The following INCENP variants were observed in gnomAD, a reference collection of about 807,000 sequenced individuals.
INCENP encodes inner centromere protein.
In INCENP, 43 loss-of-function variants were observed where a neutral mutation model predicts 107.3. The observed-to-expected ratio is 0.40, with a 90% CI of 0.31 to 0.52. The LOEUF (loss-of-function observed/expected upper bound fraction) is 0.52. INCENP is among the 20% of genes least tolerant of loss of function. The pLI is 0.53. For missense variants in INCENP, 1,089 were observed against 1,250.9 expected (o/e 0.87, Z 1.95); for synonymous variants, 488 against 494.4 (o/e 0.99, Z 0.17).
intron 4 of INCENP, among the ~76,000 whole-genome samples, chr11:62,136,487 C>T (rs986606190): frequency 6.6e-6 from 1 of 152,076 alleles, no homozygotes; most frequent in African/African-American, 2.4e-5. Context: ...CAAGACCAGC[C>T]TGGCCAACAT....
At chr11:62,127,715 A>C (rs1433738421) in intron 1 of INCENP, among the ~76,000 whole-genome samples, 1 of 152,146 alleles carries the variant, frequency 6.6e-6, no homozygotes, top group Non-Finnish European at 1.5e-5. Flanking sequence ...CATGAGTAGT[A>C]AGATGAGGGC....
chr11:62,146,703 G>A lies in INCENP; in HGVS notation c.2005G>A (p.Glu669Lys), dbSNP rs1038746865. Residue 669 changes from glutamate (E) to lysine (K), a missense_variant, in exon 15 of 19, where the codon GAA (glutamate) becomes AAA (lysine). Coordinates refer to ENST00000394818, the MANE Select transcript of INCENP (RefSeq NM_001040694.2). ...RHQELLQKKKEEEQERLRKAA... is the reference protein window; with the variant it reads ...RHQELLQKKKKEEQERLRKAA... ...CCAAGAGCTGCTGCAGAAGAAGAAG[G>A]AAGAGGAGCAGGAGCGGCTGCGGAA... 6.4e-7 allele frequency: 1 copy of A among 1,550,876 alleles called. No homozygotes were observed.
intron 4 of INCENP, among the ~76,000 whole-genome samples, chr11:62,137,211 G>A (rs750476603): frequency 1.4e-4 from 21 of 152,086 alleles, no homozygotes; most frequent in Admixed American, 1.4e-3. Flanking sequence ...AAAATTAGCC[G>A]GAAGTCGCTT....
chr11:62,146,917 G>A lies in INCENP; in HGVS notation c.2204+15G>A, dbSNP rs1183378953. 5 of 1,599,002 alleles carry A rather than the reference G, an allele frequency of 3.1e-6. No individual in the cohort carries two copies. Among genetic ancestry groups the A allele is most frequent in the Non-Finnish European group, 4.2e-6 (5 of 1,178,656 alleles). On this transcript the variant is annotated intron_variant, in intron 15 of 18. Transcript: ENST00000394818. ...CAGGCCGAGAGGTGAGGGACCTGCT[G>A]GCCCGCCTGCCTGCCTTCCATGTGT...
chr11:62,145,398 C>T (rs1368128059), intron 13 of INCENP, 109 bp downstream of exon 13: 1 of 1,493,694 alleles, frequency 6.7e-7, no homozygotes, highest in Non-Finnish European at 9.1e-7. Context: ...GTACCCATCT[C>T]CTGTCTGCCC....
chr11:62,139,898 G>A (rs1292062700), intron 7 of INCENP, among the ~76,000 whole-genome samples: 1 of 152,194 alleles, frequency 6.6e-6, no homozygotes, highest in Non-Finnish European at 1.5e-5. Context: ...CCAGGCACTC[G>A]CGGGGAGGTG....
intron 1 of INCENP, among the ~76,000 whole-genome samples, chr11:62,127,121 C>G (rs756250448): frequency 4.0e-5 from 6 of 151,544 alleles, no homozygotes; most frequent in Non-Finnish European, 5.9e-5. Flanking sequence ...ACTGCAACCT[C>G]CACTTCCTTA....
chr11:62,137,612 G>A (rs1365971615), intron 4 of INCENP, among the ~76,000 whole-genome samples: 1 of 152,182 alleles, frequency 6.6e-6, no homozygotes, highest in Non-Finnish European at 1.5e-5. Flanking sequence ...GATGGGCATG[G>A]GAAGACCATC....
chr11:62,132,409 C>T (rs1943910968), intron 4 of INCENP, among the ~76,000 whole-genome samples: 1 of 152,240 alleles, frequency 6.6e-6, no homozygotes, highest in South Asian at 2.1e-4. Flanking sequence ...CTGCCTGAGT[C>T]ACACTGCCTG....
chr11:62,145,805 A>C, intron 14 of INCENP, 54 bp downstream of exon 14: 1 of 1,527,344 alleles, frequency 6.5e-7, no homozygotes, highest in South Asian at 1.2e-5. Flanking sequence ...GCGCTGTCTC[A>C]GCACCATGGG....
chr11:62,144,953 C>T (rs748190658), intron 11 of INCENP, 29 bp from the exon 12 acceptor site: 6 of 1,571,166 alleles, frequency 3.8e-6, no homozygotes, highest in Non-Finnish European at 5.2e-6. Flanking sequence ...TTGCTCATGT[C>T]CCATCTCCCT....
At chr11:62,137,615 A>G (rs563215925) in intron 4 of INCENP, among the ~76,000 whole-genome samples, 1 of 152,312 alleles carries the variant, frequency 6.6e-6, no homozygotes, top group East Asian at 1.9e-4. Flanking sequence ...GGGCATGGGA[A>G]GACCATCTGG....
Position 62,140,230 on chromosome 11 carries a change from A to G in INCENP, c.1292-4A>G. The G allele has an allele frequency of 6.2e-7, 1 of 1,613,230 alleles. No homozygotes were observed. The highest frequency in any genetic ancestry group is 1.1e-5 in the South Asian group (1 of 91,062). On this transcript the variant is annotated splice_polypyrimidine_tract_variant and splice_region_variant and intron_variant, in intron 7 of 18. Transcript: ENST00000394818. ...CAGCCTTGCTGAAATTGCTGTCTTC[A>G]CAGAGGCCAAGACGGACCAAGCAGA...
intron 4 of INCENP, among the ~76,000 whole-genome samples, chr11:62,135,611 C>T (rs1224703408): frequency 1.3e-5 from 2 of 152,072 alleles, no homozygotes. Context: ...TAACCACATA[C>T]ATCGATCATT....
At chr11:62,147,849 A>C (rs1944286475) in intron 15 of INCENP, among the ~76,000 whole-genome samples, 1 of 152,136 alleles carries the variant, frequency 6.6e-6, no homozygotes, top group Non-Finnish European at 1.5e-5. Flanking sequence ...TGGGCAGAGC[A>C]GGGGGCTTTG....
chr11:62,129,789 C>A lies in INCENP; in HGVS notation c.262C>A (p.Arg88Ser). The A allele has an allele frequency of 1.9e-6, 3 of 1,603,782 alleles. No homozygotes were observed. The highest frequency in any genetic ancestry group is 1.7e-6 in the Non-Finnish European group (2 of 1,177,272). Residue 88 changes from arginine (R) to serine (S), a missense_variant, in exon 4 of 19, where the codon CGC becomes AGC. Physicochemically the swap from Arg to Ser is moderately radical, Grantham distance 110. Transcript: ENST00000394818. The part of the protein sequence containing the change: ...NRDPIRRRLS[R>S]RKSRSSQLSS... ...CCCTGCTGCCCCTGCCAGGTTATCC[C>A]GCAGAAAGTCTCGGAGCAGCCAGCT...
At position 62,130,330 on chromosome 11, in the gene INCENP, A is replaced by G; in HGVS notation, c.803A>G (p.Asp268Gly). 1 of 1,611,384 alleles carries G rather than the reference A, an allele frequency of 6.2e-7. No homozygotes were observed. Among genetic ancestry groups the G allele is most frequent in the Non-Finnish European group, 8.5e-7 (1 of 1,179,906 alleles). Residue 268 changes from aspartate to glycine, a missense_variant, in exon 4 of 19, where the codon GAC becomes GGC. By Grantham distance (94) the Asp-to-Gly change is moderately conservative. Transcript: ENST00000394818. ...GCGCAGGTCTCCCCTGGCCCACGGG[A>G]CTCGCCAGCCTTTCCAGATTCTCCA... ...RIAQVSPGPR[D>G]SPAFPDSPWR...
In INCENP at chr11:62,146,872, G is replaced by A. The variant is rs750492127; in HGVS notation, c.2174G>A (p.Arg725Gln). ...QERQLAEQER[R>Q]REQERLQAER... ...CGACAGCTGGCAGAGCAGGAGCGTC[G>A]GCGGGAGCAGGAGCGGCTCCAGGCC... is the stretch of plus-strand genomic sequence containing the variant. The change falls in exon 15 of 19, where the codon CGG becomes CAG. Residue 725 changes from arginine (R) to glutamine (Q), a missense_variant. Transcript: ENST00000394818. 1.6e-5 allele frequency: 25 copies of A among 1,594,538 alleles called. No homozygotes were observed. The highest frequency in any genetic ancestry group is 2.7e-5 in the African/African-American group (2 of 74,658).
At chr11:62,124,901 C>G (rs1943717555) in intron 1 of INCENP, among the ~76,000 whole-genome samples, 1 of 152,344 alleles carries the variant, frequency 6.6e-6, no homozygotes, top group Middle Eastern at 3.4e-3. Flanking sequence ...TGATGTCTGA[C>G]TCGGGCATGG....
Sources: gnomAD v4.1 joint callset for allele counts (sites outside exome capture counted in the v4.1 genomes callset) on GRCh38, gnomAD v4.1.1 for gene constraint, MANE v1.5 for transcripts, NCBI Gene and HGNC (gene_info 2026-07-23, HGNC 2026-07-21) for gene names.